STUM: variants seen among roughly 807,000 people sequenced by gnomAD.
The protein encoded by STUM is stum, mechanosensory transduction mediator homolog.
In STUM, 8 loss-of-function variants were observed where a neutral mutation model predicts 15.3. The observed-to-expected ratio is 0.52, with a 90% CI of 0.31 to 0.94. STUM has a LOEUF of 0.94. Ranked by LOEUF, STUM falls within the 40% of genes least tolerant of loss-of-function variation. The probability of loss-of-function intolerance (pLI) is 0.05; values close to 1 mark genes in which losing one functional copy is unlikely to be tolerated. For synonymous variants in STUM, 78 were observed against 88.7 expected, an observed-to-expected ratio of 0.88 and a Z score of 0.68; for missense variants, 142 against 204.9, an observed-to-expected ratio of 0.69 and a Z score of 1.87.
intron 1 of STUM, among the ~76,000 whole-genome samples, chr1:226,594,067 A>G (rs1166245400): frequency 6.6e-6 from 1 of 152,222 alleles, no homozygotes; most frequent in Non-Finnish European, 1.5e-5. Flanking sequence ...GAGACCTCAC[A>G]TCGGTGGCAG....
At position 226,552,536 on chromosome 1, in the gene STUM, T is replaced by C. The variant is rs1342215782; in HGVS notation, c.202+3430T>C. On this transcript the variant is annotated intron_variant, in intron 1 of 3. Coordinates refer to ENST00000366788, the MANE Select transcript of STUM (RefSeq NM_001003665.4). The surrounding 1 kb of genome is among the most constrained non-coding windows in gnomAD (Gnocchi z 4.7). ...ATTATACTTTTATATTTAAAAATTA[T>C]ATCTATCTTGATTTGGTGAAACGAA... Among the ~76,000 whole-genome samples the C allele has an allele frequency of 2.0e-5, 3 of 152,360 alleles. No homozygotes were observed. The highest frequency in any genetic ancestry group is 4.4e-5 in the Non-Finnish European group (3 of 68,038).
chr1:226,551,880 G>A (rs1667381222), intron 1 of STUM, among the ~76,000 whole-genome samples: 1 of 152,164 alleles, frequency 6.6e-6, no homozygotes, highest in African/African-American at 2.4e-5. Flanking sequence ...AGGGAGTAGT[G>A]TTAGGTTAGA....
intron 1 of STUM, among the ~76,000 whole-genome samples, chr1:226,550,570 T>C (rs1250403648): frequency 1.3e-5 from 2 of 151,222 alleles, no homozygotes; most frequent in Admixed American, 6.6e-5. Context: ...AAGATCCTCC[T>C]GAGCCAGCAT....
chr1:226,591,910 C>T lies in STUM; in HGVS notation c.203-4892C>T, dbSNP rs496083. Among the ~76,000 whole-genome samples, 311 of 152,170 alleles carry T rather than the reference C, an allele frequency of 2.0e-3. 1 individual carries two copies. Among genetic ancestry groups the T allele is most frequent in the African/African-American group, 7.0e-3 (290 of 41,510 alleles). On this transcript the variant is annotated intron_variant, in intron 1 of 3. Coordinates refer to ENST00000366788, the MANE Select transcript of STUM (RefSeq NM_001003665.4). ...CACTGGGTCTCAGCTCCCACCGAGT[C>T]AGGACACTGCAGTCCAGAGATCAGA...
chr1:226,586,833 C>T (rs2102705238), intron 1 of STUM, among the ~76,000 whole-genome samples: 1 of 152,286 alleles, frequency 6.6e-6, no homozygotes, highest in South Asian at 2.1e-4. Context: ...TTAACACCGA[C>T]CTGCTGGAAG....
intron 1 of STUM, among the ~76,000 whole-genome samples, chr1:226,563,187 C>T (rs935512373): frequency 1.3e-5 from 2 of 152,224 alleles, no homozygotes; most frequent in Admixed American, 1.3e-4. Flanking sequence ...AAGCCAAACA[C>T]ACTCATACGG....
At chr1:226,582,891 A>G (rs113449997) in intron 1 of STUM, among the ~76,000 whole-genome samples, 11 of 152,326 alleles carry the variant, frequency 7.2e-5, no homozygotes, top group African/African-American at 2.4e-4. Context: ...TTGCTGCATG[A>G]CAAACCTCCC....
rs1245326170 is a variant in STUM, at chr1:226,549,025, C to T, written c.121C>T (p.Pro41Ser). The change falls in exon 1 of 4, where the codon CCC becomes TCC. Residue 41 changes from proline (P) to serine (S), a missense_variant. Transcript: ENST00000366788. This position sits in a 1 kb window ranked among gnomAD's most constrained non-coding sequence, Gnocchi z 6.8. ...GGTGCAGGTCCGCGAGAAGAAGGGC[C>T]CCCTGCGCGCCGCCATCCCCTACAT... ...VVVQVREKKG[P>S]LRAAIPYMPF... 6.3e-7 allele frequency: 1 copy of T among 1,582,734 alleles called. No homozygotes were observed. Among genetic ancestry groups the T allele is most frequent in the Non-Finnish European group, 8.6e-7 (1 of 1,167,686 alleles).
rs1438010257 is a variant in STUM, at chr1:226,602,017, C to T, written c.403C>T (p.Gln135Ter). The T allele has an allele frequency of 3.7e-6, 6 of 1,608,860 alleles. No individual in the cohort carries two copies. The highest frequency in any genetic ancestry group is 5.1e-6 in the Non-Finnish European group (6 of 1,179,810). The change falls in exon 4 of 4, where the codon CAG becomes TAG. Residue 135 changes from glutamine to a stop codon, truncating the protein, a stop_gained. Coordinates refer to ENST00000366788, the MANE Select transcript of STUM (RefSeq NM_001003665.4). LOFTEE classifies it high-confidence loss of function. ...ILAISQGYKE[Q>*]GIPQQL ...CTTCTTCCTCACAGGCTACAAGGAG[C>T]AGGGCATCCCACAGCAGCTGTGAGC...
Position 226,600,611 on chromosome 1 carries a change from C to G in STUM, c.383-55C>G. On this transcript the variant is annotated intron_variant, in intron 2 of 3. Transcript: ENST00000366788. The surrounding 1 kb of genome is among the most constrained non-coding windows in gnomAD (Gnocchi z 5.2). Reference sequence around the variant, plus strand: ...TGGCTCTGTTTTCAGGCTGTGTTTTCTCTTCTTCTCTCTCTCCTCTTCCTC... The same window carrying G: ...TGGCTCTGTTTTCAGGCTGTGTTTTGTCTTCTTCTCTCTCTCCTCTTCCTC... The G allele has an allele frequency of 6.2e-7, 1 of 1,606,292 alleles. No homozygotes were observed. The highest frequency in any genetic ancestry group is 1.1e-5 in the South Asian group (1 of 91,004).
At chr1:226,594,956 C>T (rs1668155614) in intron 1 of STUM, among the ~76,000 whole-genome samples, 1 of 152,178 alleles carries the variant, frequency 6.6e-6, no homozygotes, top group Non-Finnish European at 1.5e-5. Flanking sequence ...GCGCCGAGCC[C>T]TGGAAGGGGA....
At chr1:226,550,024 C>A (rs1667346039) in intron 1 of STUM, among the ~76,000 whole-genome samples, 1 of 152,162 alleles carries the variant, frequency 6.6e-6, no homozygotes. Flanking sequence ...GCACTGGCTG[C>A]TCCTGCGTGC....
At chr1:226,571,520 G>C (rs533660626) in intron 1 of STUM, among the ~76,000 whole-genome samples, 1 of 152,278 alleles carries the variant, frequency 6.6e-6, no homozygotes, top group South Asian at 2.1e-4. Context: ...TGCTAAAATT[G>C]AGTTCAAGGT....
At chr1:226,573,909 A>G (rs1351793425) in intron 1 of STUM, among the ~76,000 whole-genome samples, 4 of 150,034 alleles carry the variant, frequency 2.7e-5, no homozygotes, top group Non-Finnish European at 1.5e-5. Flanking sequence ...ATCTCAGCTC[A>G]CTGCAACCTC....
At chr1:226,578,835 C>T (rs1667865937) in intron 1 of STUM, among the ~76,000 whole-genome samples, 1 of 152,138 alleles carries the variant, frequency 6.6e-6, no homozygotes, top group Non-Finnish European at 1.5e-5. Context: ...ATCAGCTGCC[C>T]CTCACACCCC....
intron 1 of STUM, among the ~76,000 whole-genome samples, chr1:226,586,057 T>TACCC (rs1359623639): frequency 6.6e-6 from 1 of 152,086 alleles, no homozygotes; most frequent in Admixed American, 6.5e-5. Flanking sequence ...CTCCATGACC[T>TACCC]CATCAAACCT....
At chr1:226,589,945 A>AT (rs11366808) in intron 1 of STUM, among the ~76,000 whole-genome samples, 7 of 151,064 alleles carry the variant, frequency 4.6e-5, no homozygotes, top group South Asian at 4.2e-4. Context: ...AGGAATGTTA[A>AT]TTTTTTTTTT....
rs1667389509 is a variant in STUM at position 226,552,579 on chromosome 1, G to C, written c.202+3473G>C. Among the ~76,000 whole-genome samples the C allele has an allele frequency of 6.6e-6, 1 of 152,134 alleles. No homozygotes were observed. The highest frequency in any genetic ancestry group is 1.5e-5 in the Non-Finnish European group (1 of 68,044). ...GAAACGAAAATGTTGATATCTCAGT[G>C]ACACGGAAAGTCGAAGGGAGGAGGA... On this transcript the variant is annotated intron_variant, in intron 1 of 3. Transcript: ENST00000366788. This position sits in a 1 kb window ranked among gnomAD's most constrained non-coding sequence, Gnocchi z 4.7.
intron 1 of STUM, among the ~76,000 whole-genome samples, 183 bp from the exon 2 acceptor site, chr1:226,596,619 T>C (rs1385779980): frequency 6.6e-6 from 1 of 152,140 alleles, no homozygotes; most frequent in Non-Finnish European, 1.5e-5. Flanking sequence ...CTCTGCAGTA[T>C]GGAGATGAGA....
Sources: gnomAD v4.1 joint callset for allele counts (sites outside exome capture counted in the v4.1 genomes callset) on GRCh38, gnomAD v4.1.1 for gene constraint, Gnocchi (gnomAD v3.1) non-coding constraint, MANE v1.5 for transcripts, NCBI Gene and HGNC (gene_info 2026-07-23, HGNC 2026-07-21) for gene names.